Variants in NCKAP5 observed in about 807,000 individuals in gnomAD.
NCKAP5 encodes NCK associated protein 5, also known as nck-associated protein 5.
A neutral mutation model predicts 167.0 loss-of-function variants in NCKAP5; 92 were observed. The observed-to-expected ratio is 0.55, with a 90% CI of 0.47 to 0.66. The LOEUF is 0.66. Among genes scored for constraint, NCKAP5 ranks in the 30% least tolerant of loss-of-function variants. NCKAP5 has a pLI of 0.00. For missense variants in NCKAP5, 2,378 were observed against 2,315.0 expected (o/e 1.03, Z -0.56); for synonymous variants, 891 against 877.4 (o/e 1.02, Z -0.27).
chr2:133,599,030 C>T, the NCKAP5 span, among the ~76,000 whole-genome samples: 1 of 152,150 alleles, frequency 6.6e-6, no homozygotes, highest in East Asian at 1.9e-4. Flanking sequence ...TGCAAATCTC[C>T]CACTCTTTGT....
chr2:133,166,182 T>A (rs1014603127), intron 5 of NCKAP5, among the ~76,000 whole-genome samples: 3 of 152,078 alleles, frequency 2.0e-5, no homozygotes, highest in Non-Finnish European at 4.4e-5. Context: ...TGCAAAGAAC[T>A]GGGAGAGAAA....
At chr2:133,310,196 G>A (rs868226228) in intron 3 of NCKAP5, among the ~76,000 whole-genome samples, 2 of 152,194 alleles carry the variant, frequency 1.3e-5, no homozygotes, top group African/African-American at 4.8e-5. Context: ...GTAATAAATA[G>A]AAAGGTGTCT....
the NCKAP5 span, among the ~76,000 whole-genome samples, chr2:133,618,731 G>T: frequency 6.6e-6 from 1 of 150,958 alleles, no homozygotes; most frequent in Admixed American, 6.6e-5. Context: ...TTCAACCATT[G>T]TGGAAGTCAG....
intron 4 of NCKAP5, among the ~76,000 whole-genome samples, chr2:133,289,049 C>G (rs959451189): frequency 3.9e-5 from 6 of 152,138 alleles, no homozygotes; most frequent in African/African-American, 1.4e-4. Context: ...AGAGTCAGGA[C>G]TTAAACTCCA....
At chr2:132,955,802 C>T (rs1379659776) in intron 8 of NCKAP5, among the ~76,000 whole-genome samples, 2 of 152,346 alleles carry the variant, frequency 1.3e-5, no homozygotes, top group East Asian at 1.9e-4. Flanking sequence ...TATTTCTCCA[C>T]ATCCTTGCCA....
At chr2:133,623,758 G>T in the NCKAP5 span, among the ~76,000 whole-genome samples, 2 of 152,084 alleles carry the variant, frequency 1.3e-5, no homozygotes, top group African/African-American at 4.8e-5. Context: ...ACTAAAAGTA[G>T]ATCTACCATT....
In NCKAP5 at chr2:133,013,589, A is replaced by C. The variant is rs1054168937; in HGVS notation, c.342-19350T>G. On this transcript the variant is annotated intron_variant, in intron 6 of 19. Transcript: ENST00000409261. ...TGACTCCACAATTCAATGACCTCTT[A>C]CTGGGTTCCTCCCATGACACATGGA... Among the ~76,000 whole-genome samples, 12 of 152,270 alleles carry C rather than the reference A, an allele frequency of 7.9e-5. No individual in the cohort carries two copies. The South Asian group carries it at 2.5e-3, about 32-fold the overall frequency.
intron 6 of NCKAP5, among the ~76,000 whole-genome samples, chr2:133,095,420 A>T (rs1402150405): frequency 6.6e-6 from 1 of 152,142 alleles, no homozygotes; most frequent in East Asian, 1.9e-4. Flanking sequence ...TCATCAACAA[A>T]ATCTAGTGGA....
In NCKAP5 at chr2:132,672,005, G is replaced by A. The variant is rs1164486049; in HGVS notation, c.*1284C>T. The A allele has an allele frequency of 6.6e-6, 1 of 152,466 alleles. No individual in the cohort carries two copies. The highest frequency in any genetic ancestry group is 1.5e-5 in the Non-Finnish European group (1 of 68,026). 9.4% of individuals were successfully genotyped at this position (152,466 alleles called of 1,614,324 possible). A position where few individuals can be genotyped will look rare whatever the true frequency, so the allele number is the denominator to read the frequency against. ...TAGATCCTAAAAATATTTCTATTGG[G>A]CCTAGTTTACAAGCTCCTGTACATA... On this transcript the variant is annotated 3_prime_UTR_variant, in exon 20 of 20. Transcript: ENST00000409261.
intron 4 of NCKAP5, among the ~76,000 whole-genome samples, chr2:133,283,506 T>C (rs2090000523): frequency 1.3e-5 from 2 of 152,208 alleles, no homozygotes. Context: ...TTTAAATGGC[T>C]ATTTGATGTT....
intron 8 of NCKAP5, among the ~76,000 whole-genome samples, chr2:132,899,045 C>T (rs1241418184): frequency 6.6e-6 from 1 of 152,202 alleles, no homozygotes; most frequent in Non-Finnish European, 1.5e-5. Context: ...ATGGCCTCTT[C>T]TTCCAATATA....
chr2:133,036,525 C>T (rs913780128), intron 6 of NCKAP5, among the ~76,000 whole-genome samples: 3 of 151,996 alleles, frequency 2.0e-5, no homozygotes, highest in Non-Finnish European at 4.4e-5. Context: ...ATATGCAAAT[C>T]AATTATGTGA....
chr2:133,264,569 A>G (rs2089087066), intron 4 of NCKAP5, among the ~76,000 whole-genome samples: 1 of 152,220 alleles, frequency 6.6e-6, no homozygotes, highest in South Asian at 2.1e-4. Context: ...TGGAGGAACA[A>G]ATCAGTGACT....
In NCKAP5 at chr2:133,307,838, A is replaced by G. The variant is rs1037852415; in HGVS notation, c.70-4728T>C. On this transcript the variant is annotated intron_variant, in intron 3 of 19. Coordinates refer to ENST00000409261, the MANE Select transcript of NCKAP5 (RefSeq NM_207363.3). ...CTATGCACATATGTAATACCTGAGCAAAGAATAAAAAAATATGGAATTCAC... is the reference window on the plus strand; with the variant it reads ...CTATGCACATATGTAATACCTGAGCGAAGAATAAAAAAATATGGAATTCAC... Among the ~76,000 whole-genome samples, 18 of 152,284 alleles carry G rather than the reference A, an allele frequency of 1.2e-4. 1 individual carries two copies. The highest frequency in any genetic ancestry group is 4.3e-4 in the African/African-American group (18 of 41,576).
At chr2:132,741,078 TTATAGAAGTCTTTC>T (rs1383446610) in intron 16 of NCKAP5, among the ~76,000 whole-genome samples, 3 of 152,058 alleles carry the variant, frequency 2.0e-5, no homozygotes, top group Admixed American at 6.6e-5. Context: ...GACCATGCCT[TTATAGAAGTCTTTC>T]TTGAATTTAT....
intron 8 of NCKAP5, among the ~76,000 whole-genome samples, chr2:132,907,761 C>T (rs1694116459): frequency 6.6e-6 from 1 of 152,012 alleles, no homozygotes; most frequent in African/African-American, 2.4e-5. Context: ...GGGTTCACGC[C>T]ATTCTCCTGC....
intron 8 of NCKAP5, among the ~76,000 whole-genome samples, chr2:132,882,269 T>C (rs1046987825): frequency 2.0e-5 from 3 of 152,212 alleles, no homozygotes; most frequent in African/African-American, 7.2e-5. Context: ...AACTAAGATC[T>C]GGGTGTTAGC....
the NCKAP5 span, among the ~76,000 whole-genome samples, chr2:133,582,243 C>G: frequency 6.6e-6 from 1 of 152,136 alleles, no homozygotes; most frequent in Non-Finnish European, 1.5e-5. Flanking sequence ...ATTCTCAGGC[C>G]CAACCCCAGA....
At chr2:132,884,835 C>A (rs986095198) in intron 8 of NCKAP5, among the ~76,000 whole-genome samples, 1 of 152,220 alleles carries the variant, frequency 6.6e-6, no homozygotes, top group African/African-American at 2.4e-5. Flanking sequence ...TATGGGATAT[C>A]TACACCTCGC....
Sources: allele counts gnomAD v4.1 joint callset (sites outside exome capture counted in the v4.1 genomes callset), GRCh38; gene constraint gnomAD v4.1.1; transcripts MANE v1.5; gene names NCBI Gene and HGNC (gene_info 2026-07-23, HGNC 2026-07-21).